The following GPC5 variants were observed in gnomAD, a reference collection of about 807,000 sequenced individuals.
GPC5 encodes the protein glypican-5.
GPC5 carries 47 observed loss-of-function variants against 53.9 expected under a neutral mutation model. The observed-to-expected ratio is 0.87, with a 90% CI of 0.69 to 1.11. The LOEUF is 1.11. Ranked by LOEUF, GPC5 falls within the 50% of genes most tolerant of loss-of-function variation. GPC5 has a pLI of 0.00. For missense variants in GPC5, 748 were observed against 713.1 expected (o/e 1.05, Z -0.56); for synonymous variants, 286 against 263.3 (o/e 1.09, Z -0.84).
chr13:92,559,814 C>A (rs952943423), intron 7 of GPC5, among the ~76,000 whole-genome samples: 2 of 151,462 alleles, frequency 1.3e-5, no homozygotes, highest in African/African-American at 4.8e-5. Context: ...CTGCTGCCTA[C>A]AGGGCCTGTG....
In GPC5 at chr13:92,861,638, A is replaced by C. The variant is rs1167080322; in HGVS notation, c.1562-4644A>C. The stretch of plus-strand genomic sequence containing the variant: ...TTTTTGCTGCAATCTATAATGCAAA[A>C]TTTTCTCCATTTTTCTGTGTGTATC... On this transcript the variant is annotated intron_variant, in intron 7 of 7. Coordinates refer to ENST00000377067, the MANE Select transcript of GPC5 (RefSeq NM_004466.6). Among the ~76,000 whole-genome samples the C allele has an allele frequency of 6.6e-5, 10 of 151,668 alleles. 1 individual carries two copies. Among genetic ancestry groups the C allele is most frequent in the Non-Finnish European group, 1.0e-4 (7 of 67,908 alleles).
rs900704349 is a variant in GPC5, at chr13:91,967,619, T to C, written c.1401+59562T>C. Among the ~76,000 whole-genome samples the C allele has an allele frequency of 2.0e-5, 3 of 152,094 alleles. No individual in the cohort carries two copies. The South Asian group carries it at 6.2e-4, about 31-fold the overall frequency. ...ATCATAAAGTTTCTAAAATTATAAA[T>C]GCTTTTAAATACATCATTTCCATGG... On this transcript the variant is annotated intron_variant, in intron 6 of 7. Transcript: ENST00000377067.
intron 5 of GPC5, among the ~76,000 whole-genome samples, chr13:91,771,120 A>T (rs2037616797): frequency 6.6e-6 from 1 of 152,192 alleles, no homozygotes; most frequent in Admixed American, 6.5e-5. Context: ...TCCTCAAATG[A>T]ATTAGGAAAA....
At chr13:92,777,097 C>G (rs558828504) in intron 7 of GPC5, among the ~76,000 whole-genome samples, 1 of 149,166 alleles carries the variant, frequency 6.7e-6, no homozygotes, top group East Asian at 2.0e-4. Context: ...TTTGGGAGGC[C>G]AAGGCGGGTA....
chr13:91,456,201 G>A (rs577760444), intron 2 of GPC5, among the ~76,000 whole-genome samples: 3 of 152,212 alleles, frequency 2.0e-5, no homozygotes, highest in African/African-American at 7.2e-5. Flanking sequence ...TGATCAGCCT[G>A]TTGTCTGTTA....
intron 7 of GPC5, among the ~76,000 whole-genome samples, chr13:92,202,192 G>A (rs1402465766): frequency 6.6e-6 from 1 of 152,130 alleles, no homozygotes; most frequent in Non-Finnish European, 1.5e-5. Context: ...CTGTAGCTTG[G>A]TCATTAGTAA....
intron 7 of GPC5, among the ~76,000 whole-genome samples, chr13:92,432,416 A>G (rs1397667636): frequency 7.1e-6 from 1 of 140,114 alleles, no homozygotes; most frequent in Non-Finnish European, 1.5e-5. Context: ...CCAGGCTGGA[A>G]TGCAGGCTCA....
chr13:91,578,041 T>A (rs533881077), intron 2 of GPC5, among the ~76,000 whole-genome samples: 4 of 152,330 alleles, frequency 2.6e-5, no homozygotes, highest in Admixed American at 2.6e-4. Flanking sequence ...CTTGGGTCAC[T>A]GTCTCTGAGG....
intron 2 of GPC5, among the ~76,000 whole-genome samples, chr13:91,656,623 C>T (rs778233329): frequency 1.3e-5 from 2 of 152,134 alleles, no homozygotes; most frequent in Admixed American, 1.3e-4. Context: ...GAAATCACAT[C>T]AGTTGTTTGG....
At chr13:91,766,276 G>A (rs907768490) in intron 5 of GPC5, among the ~76,000 whole-genome samples, 1 of 152,148 alleles carries the variant, frequency 6.6e-6, no homozygotes, top group African/African-American at 2.4e-5. Context: ...GAGTTGAGTG[G>A]CCTCTACACT....
chr13:92,760,643 C>T (rs1875128523), intron 7 of GPC5, among the ~76,000 whole-genome samples: 1 of 150,888 alleles, frequency 6.6e-6, no homozygotes, highest in Non-Finnish European at 1.5e-5. Context: ...ATTTTTCTTT[C>T]ATCTGTTTGA....
intron 7 of GPC5, among the ~76,000 whole-genome samples, chr13:92,675,397 T>A (rs1886904083): frequency 6.6e-6 from 1 of 152,144 alleles, no homozygotes; most frequent in Admixed American, 6.6e-5. Context: ...TAAACTCTGT[T>A]TAAATCTGTT....
chr13:92,847,871 C>G (rs1878664153), intron 7 of GPC5, among the ~76,000 whole-genome samples: 1 of 152,122 alleles, frequency 6.6e-6, no homozygotes, highest in East Asian at 1.9e-4. Flanking sequence ...GAAATGTAAG[C>G]ACTTATAAGC....
At chr13:91,694,962 A>G (rs1039135075) in intron 3 of GPC5, among the ~76,000 whole-genome samples, 2 of 152,206 alleles carry the variant, frequency 1.3e-5, no homozygotes, top group African/African-American at 4.8e-5. Context: ...AATGACTGAT[A>G]GAATCTGAAA....
At chr13:92,203,999 TA>T (rs1432845878) in intron 7 of GPC5, among the ~76,000 whole-genome samples, 10 of 152,320 alleles carry the variant, frequency 6.6e-5, no homozygotes, top group African/African-American at 2.4e-4. Context: ...TGCAGTGGTT[TA>T]ACATCTTTAA....
chr13:92,488,518 A>G (rs1338914643), intron 7 of GPC5, among the ~76,000 whole-genome samples: 2 of 152,200 alleles, frequency 1.3e-5, no homozygotes, highest in Non-Finnish European at 2.9e-5. Context: ...TCAGCTGCTT[A>G]ACTGCTGGCA....
rs528115145 is a variant in GPC5, at chr13:91,842,151, T to C, written c.1281-65786T>C. 3.9e-5 allele frequency among the ~76,000 whole-genome samples: 6 copies of C among 152,148 alleles called. No individual in the cohort carries two copies. In the South Asian group the frequency reaches 1.0e-3, roughly 26 times the overall value. ...CAAGAAGGGTTTCTTTTCTAGTTCA[T>C]AAATATTTGGGTTTAGAGCAAAGGA... On this transcript the variant is annotated intron_variant, in intron 5 of 7. Coordinates refer to ENST00000377067, the MANE Select transcript of GPC5 (RefSeq NM_004466.6).
intron 7 of GPC5, among the ~76,000 whole-genome samples, chr13:92,201,392 GA>G (rs921586347): frequency 6.6e-6 from 1 of 152,170 alleles, no homozygotes; most frequent in Non-Finnish European, 1.5e-5. Flanking sequence ...GTGCATGGTT[GA>G]TACTACAAGT....
intron 3 of GPC5, among the ~76,000 whole-genome samples, chr13:91,709,907 T>C (rs1566627830): frequency 6.6e-6 from 1 of 152,182 alleles, no homozygotes; most frequent in Non-Finnish European, 1.5e-5. Context: ...TTTGTATCTG[T>C]CTGAAAAAAT....
Sources: gnomAD v4.1 joint callset for allele counts (sites outside exome capture counted in the v4.1 genomes callset) on GRCh38, gnomAD v4.1.1 for gene constraint, MANE v1.5 for transcripts, NCBI Gene and HGNC (gene_info 2026-07-23, HGNC 2026-07-21) for gene names.